Variants in SPATA17 observed in about 807,000 individuals in gnomAD.
SPATA17 encodes spermatogenesis associated 17.
A neutral mutation model predicts 62.2 loss-of-function variants in SPATA17; 53 were observed. The ratio of observed to expected loss-of-function variants is 0.85; its 90% CI spans 0.68 to 1.07. SPATA17 has a LOEUF of 1.07. SPATA17 is among the 50% of genes least tolerant of loss of function. SPATA17 has a pLI of 0.00. For missense variants in SPATA17, 466 were observed against 425.5 expected (o/e 1.10, Z -0.84); for synonymous variants, 146 against 146.8 (o/e 0.99, Z 0.04).
intron 7 of SPATA17, among the ~76,000 whole-genome samples, chr1:217,778,080 T>G (rs1048668703): frequency 1.3e-5 from 2 of 152,194 alleles, no homozygotes; most frequent in Non-Finnish European, 2.9e-5. Context: ...AGCAATTAAA[T>G]TTATTAATTA....
chr1:217,799,843 A>C (rs1674260508), intron 8 of SPATA17, among the ~76,000 whole-genome samples: 1 of 152,074 alleles, frequency 6.6e-6, no homozygotes, highest in Admixed American at 6.6e-5. Flanking sequence ...TAATGGCTCA[A>C]TAAATATATG....
chr1:217,771,643 T>C (rs184647951), intron 6 of SPATA17, among the ~76,000 whole-genome samples: 1 of 152,302 alleles, frequency 6.6e-6, no homozygotes, highest in East Asian at 1.9e-4. Context: ...ATTTCTAAAA[T>C]ACTGACACCT....
At chr1:217,699,015 T>C (rs557052874) in intron 5 of SPATA17, among the ~76,000 whole-genome samples, 6 of 152,306 alleles carry the variant, frequency 3.9e-5, no homozygotes, top group Admixed American at 1.3e-4. Context: ...CCCAGCATTG[T>C]TCCCTAAAAA....
At chr1:217,658,365 C>T (rs1204280277) in intron 3 of SPATA17, among the ~76,000 whole-genome samples, 1 of 152,160 alleles carries the variant, frequency 6.6e-6, no homozygotes, top group African/African-American at 2.4e-5. Context: ...CTCCCTTTAC[C>T]TTCCACCATG....
At chr1:217,634,193 A>G (rs1202218261) in intron 1 of SPATA17, among the ~76,000 whole-genome samples, 1 of 152,238 alleles carries the variant, frequency 6.6e-6, no homozygotes, top group East Asian at 1.9e-4. Flanking sequence ...CCTGTTGCCT[A>G]GACAGAGCCA....
chr1:217,702,991 C>T (rs1671636551), intron 5 of SPATA17, among the ~76,000 whole-genome samples: 1 of 151,620 alleles, frequency 6.6e-6, no homozygotes, highest in African/African-American at 2.4e-5. Context: ...ATTCTTCTGC[C>T]TCAGCCTCCT....
chr1:217,765,110 G>T (rs1021699037), intron 6 of SPATA17, among the ~76,000 whole-genome samples: 6 of 151,742 alleles, frequency 4.0e-5, no homozygotes, highest in African/African-American at 1.5e-4. Context: ...GAGATCTGTA[G>T]TAATGTCTTC....
intron 8 of SPATA17, among the ~76,000 whole-genome samples, chr1:217,792,277 A>G (rs1384139204): frequency 6.6e-6 from 1 of 152,140 alleles, no homozygotes; most frequent in Non-Finnish European, 1.5e-5. Flanking sequence ...CTTACTCGCA[A>G]AGAACAAAGA....
rs530638107 is a variant in SPATA17, at chr1:217,845,492, C to A, written c.1006-17282C>A. 2.0e-5 allele frequency among the ~76,000 whole-genome samples: 3 copies of A among 152,148 alleles called. No homozygotes were observed. The South Asian group carries it at 6.2e-4, about 32-fold the overall frequency. The stretch of plus-strand genomic sequence containing the variant: ...ACTGGTACTGCCTTTACAGCTCTCT[C>A]TGCATGGCACAGAGACCCTGCATGT... On this transcript the variant is annotated intron_variant, in intron 9 of 10. Coordinates refer to ENST00000366933, the MANE Select transcript of SPATA17 (RefSeq NM_138796.4).
Position 217,671,503 on chromosome 1 carries a change from A to G in SPATA17, c.291+2420A>G, listed in dbSNP as rs375368504. Among the ~76,000 whole-genome samples the G allele has an allele frequency of 1.9e-3, 290 of 152,282 alleles. 2 individuals are homozygous for G. In the Middle Eastern group the frequency reaches 0.024, roughly 13 times the overall value. On this transcript the variant is annotated intron_variant, in intron 4 of 10. Transcript: ENST00000366933. Reference sequence around the variant, plus strand: ...GCAGTAGTCTGCCTCTGCAGATTGCAGTAGTCACCCTCCCACTTCCTCTTG... The same window carrying G: ...GCAGTAGTCTGCCTCTGCAGATTGCGGTAGTCACCCTCCCACTTCCTCTTG...
intron 9 of SPATA17, among the ~76,000 whole-genome samples, chr1:217,844,273 T>A (rs1675475837): frequency 6.6e-6 from 1 of 152,082 alleles, no homozygotes; most frequent in Non-Finnish European, 1.5e-5. Context: ...AAGCAAGGTT[T>A]CTCTGCCCAG....
chr1:217,747,968 T>C (rs911611274), intron 6 of SPATA17, among the ~76,000 whole-genome samples: 5 of 152,198 alleles, frequency 3.3e-5, no homozygotes, highest in Non-Finnish European at 7.4e-5. Context: ...TCCCAAATCA[T>C]ATTAAATCAT....
chr1:217,861,683 T>A (rs190234874), intron 9 of SPATA17, among the ~76,000 whole-genome samples: 2 of 152,328 alleles, frequency 1.3e-5, no homozygotes, highest in East Asian at 3.9e-4. Context: ...TGTAAAATTT[T>A]ATTGCATTTA....
At chr1:217,659,877 C>T (rs1426719334) in intron 3 of SPATA17, among the ~76,000 whole-genome samples, 1 of 152,174 alleles carries the variant, frequency 6.6e-6, no homozygotes, top group South Asian at 2.1e-4. Context: ...CCAAACTAAA[C>T]TGCATCATTT....
intron 4 of SPATA17, among the ~76,000 whole-genome samples, chr1:217,669,420 G>A (rs1342809352): frequency 6.6e-6 from 1 of 152,166 alleles, no homozygotes; most frequent in Non-Finnish European, 1.5e-5. Context: ...ACATGGTTGT[G>A]AAATATAAGA....
At chr1:217,773,028 G>C (rs1215614140) in intron 6 of SPATA17, among the ~76,000 whole-genome samples, 1 of 152,092 alleles carries the variant, frequency 6.6e-6, no homozygotes, top group Non-Finnish European at 1.5e-5. Context: ...ATTGCATTTG[G>C]GATAGGATGT....
intron 9 of SPATA17, among the ~76,000 whole-genome samples, chr1:217,812,455 A>G (rs1674613910): frequency 1.3e-5 from 2 of 152,192 alleles, no homozygotes; most frequent in Admixed American, 1.3e-4. Context: ...AATTTTTGAA[A>G]GTGTGAAAAT....
chr1:217,804,161 A>C (rs771687082), intron 9 of SPATA17, among the ~76,000 whole-genome samples: 7 of 152,194 alleles, frequency 4.6e-5, no homozygotes, highest in Non-Finnish European at 8.8e-5. Context: ...TTATATTACA[A>C]AGTCATAGTA....
chr1:217,785,756 A>T (rs1210175674), intron 8 of SPATA17, among the ~76,000 whole-genome samples: 1 of 152,216 alleles, frequency 6.6e-6, no homozygotes, highest in Non-Finnish European at 1.5e-5. Flanking sequence ...TAGGAATGAC[A>T]AAATGCTTCT....
Sources: gnomAD v4.1 joint callset for allele counts (sites outside exome capture counted in the v4.1 genomes callset) on GRCh38, gnomAD v4.1.1 for gene constraint, MANE v1.5 for transcripts, NCBI Gene and HGNC (gene_info 2026-07-23, HGNC 2026-07-21) for gene names.